CACNB2: variants seen among roughly 807,000 people sequenced by gnomAD.
CACNB2 encodes calcium voltage-gated channel auxiliary subunit beta 2.
CACNB2 carries 42 observed loss-of-function variants against 73.3 expected under a neutral mutation model. That is an observed-to-expected ratio of 0.57 (90% CI 0.45 to 0.74). The LOEUF is 0.74. Among genes scored for constraint, CACNB2 ranks in the 30% least tolerant of loss-of-function variants. The pLI is 0.00. For synonymous variants in CACNB2, 348 were observed against 310.3 expected, an observed-to-expected ratio of 1.12 and a Z score of -1.28; for missense variants, 940 against 853.0, an observed-to-expected ratio of 1.10 and a Z score of -1.27.
intron 2 of CACNB2, among the ~76,000 whole-genome samples, chr10:18,212,079 A>C (rs939228310): frequency 2.8e-4 from 42 of 152,156 alleles, no homozygotes; most frequent in Non-Finnish European, 3.1e-4. Flanking sequence ...GAATAGATTG[A>C]TATCTCAGGC....
chr10:18,471,194 T>C (rs906496915), intron 3 of CACNB2, among the ~76,000 whole-genome samples: 2 of 151,998 alleles, frequency 1.3e-5, no homozygotes, highest in Non-Finnish European at 2.9e-5. Context: ...TAATCCCAGC[T>C]ACTCGGGAGG....
chr10:18,317,512 T>A (rs1177335559), intron 2 of CACNB2, among the ~76,000 whole-genome samples: 1 of 152,218 alleles, frequency 6.6e-6, no homozygotes, highest in Non-Finnish European at 1.5e-5. Context: ...TGTATTAATT[T>A]GCCTAGGTTC....
chr10:18,229,306 A>T (rs1261387985), intron 2 of CACNB2, among the ~76,000 whole-genome samples: 1 of 152,224 alleles, frequency 6.6e-6, no homozygotes, highest in Non-Finnish European at 1.5e-5. Context: ...AAGAATCGTT[A>T]TTCCCATATT....
intron 3 of CACNB2, among the ~76,000 whole-genome samples, chr10:18,420,763 T>C (rs1009624974): frequency 6.6e-6 from 1 of 152,226 alleles, no homozygotes; most frequent in Non-Finnish European, 1.5e-5. Flanking sequence ...ATTGAAGTTA[T>C]TACTCTACTT....
chr10:18,344,703 A>G (rs760265664), intron 2 of CACNB2, among the ~76,000 whole-genome samples: 17 of 152,172 alleles, frequency 1.1e-4, no homozygotes, highest in Non-Finnish European at 2.4e-4. Context: ...CACTAAAAAT[A>G]GAAGAAATTG....
chr10:18,536,242 C>A (rs960412849), intron 12 of CACNB2, 46 bp downstream of exon 12: 10 of 281,258 alleles, frequency 3.6e-5, no homozygotes, highest in African/African-American at 2.1e-4. Context: ...AGAGATCAGA[C>A]CTTTTTTTTT....
intron 2 of CACNB2, among the ~76,000 whole-genome samples, chr10:18,279,897 T>A (rs1211314115): frequency 2.0e-5 from 3 of 152,104 alleles, no homozygotes; most frequent in Non-Finnish European, 2.9e-5. Context: ...CTGGCCAACA[T>A]GACAAAAGTC....
At chr10:18,191,214 C>A (rs2034379104) in intron 2 of CACNB2, among the ~76,000 whole-genome samples, 1 of 152,108 alleles carries the variant, frequency 6.6e-6, no homozygotes, top group Non-Finnish European at 1.5e-5. Flanking sequence ...TTGGAATAAC[C>A]CTGTAGATAA....
intron 2 of CACNB2, among the ~76,000 whole-genome samples, chr10:18,380,253 T>C (rs1274344682): frequency 2.0e-5 from 3 of 148,826 alleles, no homozygotes; most frequent in Non-Finnish European, 4.5e-5. Flanking sequence ...AACCACCAAA[T>C]GGCATTTTCA....
chr10:18,506,213 G>A (rs1305546638), intron 5 of CACNB2, among the ~76,000 whole-genome samples: 1 of 152,138 alleles, frequency 6.6e-6, no homozygotes, highest in East Asian at 1.9e-4. Context: ...TAACTTGGGG[G>A]CTGCAGAAAT....
intron 2 of CACNB2, among the ~76,000 whole-genome samples, chr10:18,287,271 G>A (rs1204772816): frequency 6.6e-6 from 1 of 152,136 alleles, no homozygotes; most frequent in Non-Finnish European, 1.5e-5. Context: ...AGAGGTTGCA[G>A]TGAGCTGAGA....
chr10:18,395,417 C>G (rs1464898569), intron 2 of CACNB2, among the ~76,000 whole-genome samples: 1 of 151,912 alleles, frequency 6.6e-6, no homozygotes, highest in African/African-American at 2.4e-5. Context: ...TTTCTTGTCT[C>G]TCATAGCCGT....
chr10:18,506,431 A>G (rs767129287), intron 5 of CACNB2, 40 bp from the exon 6 acceptor site: 14 of 1,050,538 alleles, frequency 1.3e-5, no homozygotes, highest in Non-Finnish European at 1.7e-5. Flanking sequence ...AGGATGCGAA[A>G]TAAGTGTCAG....
At chr10:18,228,449 AG>A (rs1215817531) in intron 2 of CACNB2, among the ~76,000 whole-genome samples, 76 of 104,654 alleles carry the variant, frequency 7.3e-4, no homozygotes, top group East Asian at 6.9e-3. Flanking sequence ...AAAAAAAAAA[AG>A]AAAAAAAAAA....
intron 2 of CACNB2, among the ~76,000 whole-genome samples, chr10:18,248,120 A>G (rs534519479): frequency 6.6e-6 from 1 of 152,232 alleles, no homozygotes; most frequent in Non-Finnish European, 1.5e-5. Flanking sequence ...AGTACCTACC[A>G]AACTAGAAAA....
intron 2 of CACNB2, among the ~76,000 whole-genome samples, chr10:18,323,398 T>TA (rs934517143): frequency 1.3e-5 from 2 of 152,130 alleles, no homozygotes; most frequent in African/African-American, 4.8e-5. Context: ...GGTTTTTTTT[T>TA]ACTGAATATT....
intron 2 of CACNB2, among the ~76,000 whole-genome samples, chr10:18,266,688 G>T (rs2037817998): frequency 6.6e-6 from 1 of 152,014 alleles, no homozygotes; most frequent in Non-Finnish European, 1.5e-5. Flanking sequence ...CAGGAGTTCA[G>T]GACCAGCCTG....
chr10:18,372,967 A>T lies in CACNB2; in HGVS notation c.214-28957A>T, dbSNP rs74513147. Among the ~76,000 whole-genome samples the T allele has an allele frequency of 8.9e-3, 1,352 of 152,110 alleles. 32 individuals are homozygous for T. Among genetic ancestry groups the T allele is most frequent in the African/African-American group, 0.028 (1,159 of 41,486 alleles). ...TGAGACTACAAGTGTGAGTCACCAC[A>T]CCCAGCTTATTTTTTTTATTTTATT... On this transcript the variant is annotated intron_variant, in intron 2 of 13. Coordinates refer to ENST00000324631, the MANE Select transcript of CACNB2 (RefSeq NM_201596.3).
chr10:18,296,704 G>T (rs2039293498), intron 2 of CACNB2, among the ~76,000 whole-genome samples: 1 of 152,120 alleles, frequency 6.6e-6, no homozygotes, highest in Admixed American at 6.5e-5. Flanking sequence ...GATTTAAAAG[G>T]GAACAAGTCA....
Sources: allele counts gnomAD v4.1 joint callset (sites outside exome capture counted in the v4.1 genomes callset), GRCh38; gene constraint gnomAD v4.1.1; transcripts MANE v1.5; gene names NCBI Gene and HGNC (gene_info 2026-07-23, HGNC 2026-07-21).